The following GPC5 variants were observed in gnomAD, a reference collection of about 807,000 sequenced individuals.
GPC5 encodes glypican-5.
A neutral mutation model predicts 53.9 loss-of-function variants in GPC5; 47 were observed. That is an observed-to-expected ratio of 0.87 (90% CI 0.69 to 1.11). The LOEUF (loss-of-function observed/expected upper bound fraction) is 1.11, where lower values mean the gene tolerates loss of function less well. GPC5 is among the 50% of genes most tolerant of loss of function. The probability of loss-of-function intolerance (pLI) is 0.00; values close to 1 mark genes in which losing one functional copy is unlikely to be tolerated. For synonymous variants in GPC5, 286 were observed against 263.3 expected, an observed-to-expected ratio of 1.09 and a Z score of -0.84; for missense variants, 748 against 713.1, an observed-to-expected ratio of 1.05 and a Z score of -0.56.
chr13:91,943,738 G>A (rs1281739801), intron 6 of GPC5, among the ~76,000 whole-genome samples: 1 of 152,104 alleles, frequency 6.6e-6, no homozygotes, highest in East Asian at 1.9e-4. Flanking sequence ...AGTTCTTAAT[G>A]TTAGCTTTCT....
chr13:92,091,023 G>A (rs7992479), intron 6 of GPC5, among the ~76,000 whole-genome samples: 68,625 of 152,000 alleles, frequency 0.45, 16,378 homozygotes, highest in East Asian at 0.79. Context: ...CAGCTTTCAC[G>A]AGGGACTGAA....
chr13:92,003,374 CT>C (rs1320704352), intron 6 of GPC5, among the ~76,000 whole-genome samples: 2 of 149,834 alleles, frequency 1.3e-5, no homozygotes, highest in African/African-American at 4.9e-5. Flanking sequence ...AAGAAAATTA[CT>C]CTATCTGATA....
At chr13:92,290,968 G>T (rs896307364) in intron 7 of GPC5, among the ~76,000 whole-genome samples, 1 of 152,136 alleles carries the variant, frequency 6.6e-6, no homozygotes, top group African/African-American at 2.4e-5. Flanking sequence ...GGCTCGGCAG[G>T]CCCCACTCTT....
intron 7 of GPC5, among the ~76,000 whole-genome samples, chr13:92,606,094 T>A (rs1248150598): frequency 2.0e-5 from 3 of 152,218 alleles, no homozygotes; most frequent in African/African-American, 7.2e-5. Flanking sequence ...TTCTTTTTTT[T>A]ATTATTATTA....
At chr13:91,529,983 A>T (rs1436259387) in intron 2 of GPC5, among the ~76,000 whole-genome samples, 1 of 151,988 alleles carries the variant, frequency 6.6e-6, no homozygotes, top group Non-Finnish European at 1.5e-5. Flanking sequence ...CTTAGTAGTG[A>T]CATATCATAG....
At chr13:91,747,678 G>A (rs1165730358) in intron 4 of GPC5, among the ~76,000 whole-genome samples, 1 of 151,456 alleles carries the variant, frequency 6.6e-6, no homozygotes, top group Non-Finnish European at 1.5e-5. Flanking sequence ...ACTAATGAGT[G>A]TGTTTTTAGA....
At chr13:91,974,616 AAG>A (rs1430277150) in intron 6 of GPC5, among the ~76,000 whole-genome samples, 1 of 152,202 alleles carries the variant, frequency 6.6e-6, no homozygotes, top group Non-Finnish European at 1.5e-5. Flanking sequence ...AATGAAATAA[AAG>A]AGGATACAAA....
At chr13:91,478,029 G>A (rs1432402590) in intron 2 of GPC5, among the ~76,000 whole-genome samples, 2 of 150,706 alleles carry the variant, frequency 1.3e-5, no homozygotes, top group African/African-American at 4.9e-5. Flanking sequence ...ACTATTCTTG[G>A]AGGAAAAAAA....
At chr13:92,441,630 A>G (rs879928947) in intron 7 of GPC5, among the ~76,000 whole-genome samples, 1 of 152,186 alleles carries the variant, frequency 6.6e-6, no homozygotes, top group Non-Finnish European at 1.5e-5. Context: ...CTAACCAAGG[A>G]GGGGAAAGAT....
intron 7 of GPC5, among the ~76,000 whole-genome samples, chr13:92,682,212 T>C (rs539947419): frequency 3.9e-5 from 6 of 152,302 alleles, no homozygotes; most frequent in African/African-American, 1.4e-4. Context: ...ATTGTATATG[T>C]TAGCAAAAAG....
intron 2 of GPC5, among the ~76,000 whole-genome samples, chr13:91,636,719 C>G (rs934546373): frequency 6.6e-6 from 1 of 151,988 alleles, no homozygotes; most frequent in Non-Finnish European, 1.5e-5. Flanking sequence ...CTTTGGGAGA[C>G]TGAGGTAGGA....
chr13:92,863,641 G>T (rs913858981), intron 7 of GPC5, among the ~76,000 whole-genome samples: 1 of 151,996 alleles, frequency 6.6e-6, no homozygotes, highest in Admixed American at 6.6e-5. Flanking sequence ...TTACAGGCAC[G>T]CACCACCACA....
At chr13:91,967,200 T>C (rs2040189341) in intron 6 of GPC5, among the ~76,000 whole-genome samples, 1 of 152,146 alleles carries the variant, frequency 6.6e-6, no homozygotes, top group Non-Finnish European at 1.5e-5. Flanking sequence ...CCATCAGATC[T>C]GGTGAGACTT....
At chr13:92,565,963 G>A (rs765609803) in intron 7 of GPC5, among the ~76,000 whole-genome samples, 8 of 151,962 alleles carry the variant, frequency 5.3e-5, no homozygotes, top group Non-Finnish European at 1.0e-4. Context: ...ATATTACAAT[G>A]TATTCAGTAT....
Position 91,945,833 on chromosome 13 carries a change from T to C in GPC5, c.1401+37776T>C, listed in dbSNP as rs190367533. Among the ~76,000 whole-genome samples the C allele has an allele frequency of 1.1e-4, 16 of 146,070 alleles. No individual in the cohort carries two copies. The East Asian group carries it at 3.1e-3, about 28-fold the overall frequency. On this transcript the variant is annotated intron_variant, in intron 6 of 7. Transcript: ENST00000377067. ...TTGCCACCAACCTCCCTTCAAGTGA[T>C]ACAACCTGATACAACCCTTGCGTTG...
At chr13:92,097,299 A>G (rs182105411) in intron 6 of GPC5, among the ~76,000 whole-genome samples, 2 of 152,326 alleles carry the variant, frequency 1.3e-5, no homozygotes, top group East Asian at 3.9e-4. Flanking sequence ...CTTCTAGTAA[A>G]ATGCAGGAAA....
At chr13:92,417,622 C>T (rs1358892727) in intron 7 of GPC5, among the ~76,000 whole-genome samples, 1 of 152,070 alleles carries the variant, frequency 6.6e-6, no homozygotes, top group African/African-American at 2.4e-5. Context: ...GTTGTAGTCC[C>T]AGCACTTTGG....
chr13:92,818,869 C>T (rs776762022), intron 7 of GPC5, among the ~76,000 whole-genome samples: 3 of 151,916 alleles, frequency 2.0e-5, no homozygotes, highest in African/African-American at 7.3e-5. Context: ...AACCCACTGG[C>T]AAATACAGTT....
At chr13:91,919,736 A>G (rs766842899) in intron 6 of GPC5, among the ~76,000 whole-genome samples, 2 of 152,138 alleles carry the variant, frequency 1.3e-5, no homozygotes, top group African/African-American at 2.4e-5. Context: ...TGGGGAAAAA[A>G]AAAATGTACC....
Sources: gnomAD v4.1 joint callset for allele counts (sites outside exome capture counted in the v4.1 genomes callset) on GRCh38, gnomAD v4.1.1 for gene constraint, MANE v1.5 for transcripts, NCBI Gene and HGNC (gene_info 2026-07-23, HGNC 2026-07-21) for gene names.